The following AQR variants were observed in gnomAD, a reference collection of about 807,000 sequenced individuals.
AQR encodes aquarius intron-binding spliceosomal factor, also known as RNA helicase aquarius.
AQR carries 61 observed loss-of-function variants against 180.5 expected under a neutral mutation model. That is an observed-to-expected ratio of 0.34 (90% CI 0.28 to 0.42). The LOEUF is 0.42. Among genes scored for constraint, AQR ranks in the 10% least tolerant of loss-of-function variants. AQR has a pLI of 1.00. For synonymous variants in AQR, 551 were observed against 588.8 expected, an observed-to-expected ratio of 0.94 and a Z score of 0.93; for missense variants, 1,281 against 1,798.3, an observed-to-expected ratio of 0.71 and a Z score of 5.20.
intron 9 of AQR, among the ~76,000 whole-genome samples, chr15:34,934,975 G>T (rs1182127820): frequency 6.6e-6 from 1 of 151,954 alleles, no homozygotes; most frequent in Non-Finnish European, 1.5e-5. Flanking sequence ...AAACTAGAAG[G>T]CAGTTTTATA....
intron 32 of AQR, 141 bp from the exon 33 acceptor site, chr15:34,863,182 G>A (rs1410776277): frequency 4.2e-6 from 3 of 712,964 alleles, no homozygotes; most frequent in Non-Finnish European, 6.6e-6. Flanking sequence ...CTTAATAGAA[G>A]TTAATCAATG....
chr15:34,958,117 G>C (rs184101370), intron 3 of AQR, among the ~76,000 whole-genome samples: 1 of 152,062 alleles, frequency 6.6e-6, no homozygotes, highest in African/African-American at 2.4e-5. Flanking sequence ...CTGAGGCAGG[G>C]GAATGGCGTG....
At position 34,882,465 on chromosome 15, in the gene AQR, T is replaced by TAAAAAAAAAAAAAAAA. The variant is rs34949352; in HGVS notation, c.3165+21_3165+36dup. 267 of 1,200,248 alleles carry TAAAAAAAAAAAAAAAA rather than the reference T, an allele frequency of 2.2e-4. 5 individuals carry two copies. The African/African-American group carries it at 4.2e-3, about 19-fold the overall frequency. 74.3% of individuals were successfully genotyped at this position (1,200,248 alleles called of 1,614,324 possible). A position where few individuals can be genotyped will look rare whatever the true frequency, so the allele number is the denominator to read the frequency against. On this transcript the variant is annotated intron_variant, in intron 27 of 34. Transcript: ENST00000156471. ...GAAGTGAGCCAATCTCTGATAATCT[T>TAAAAAAAAAAAAAAAA]AAAAAAAAAAAAAAAAAAACTACCA... is the stretch of plus-strand genomic sequence containing the variant.
At chr15:34,906,320 G>C (rs573880683) in intron 18 of AQR, among the ~76,000 whole-genome samples, 1 of 152,034 alleles carries the variant, frequency 6.6e-6, no homozygotes, top group African/African-American at 2.4e-5. Flanking sequence ...GCAGTGAGCC[G>C]AGATTGTGCC....
chr15:34,942,133 A>G (rs1238432661), intron 6 of AQR, 53 bp from the exon 7 acceptor site: 4 of 1,380,358 alleles, frequency 2.9e-6, no homozygotes, highest in African/African-American at 2.9e-5. Flanking sequence ...ATTTCTACCT[A>G]AGTCTTTACA....
At position 34,932,344 on chromosome 15, in the gene AQR, C is replaced by T; in HGVS notation, c.874G>A (p.Glu292Lys). Residue 292 changes from glutamate (E) to lysine (K), a missense_variant, in exon 11 of 35, where the codon GAA (glutamate) becomes AAA (lysine). This residue lies in a region of AQR where 404 missense variants were observed against 490.9 expected (regional missense o/e 0.82). Coordinates refer to ENST00000156471, the MANE Select transcript of AQR (RefSeq NM_014691.3). The stretch of plus-strand genomic sequence containing the variant: ...TGGGAAAAAAGATGGCCATCCTCTT[C>T]TCTACGAACAAGATTGGAAAGGTAA... ...HCYLSNLVRREEDGHLFSQLL... is the reference protein window; with the variant it reads ...HCYLSNLVRRKEDGHLFSQLL... The T allele has an allele frequency of 6.2e-7, 1 of 1,613,540 alleles. No individual in the cohort carries two copies. The highest frequency in any genetic ancestry group is 1.1e-5 in the South Asian group (1 of 91,068).
intron 3 of AQR, among the ~76,000 whole-genome samples, chr15:34,956,313 C>CTAGT (rs200682022): frequency 0.031 from 4,770 of 152,122 alleles, 98 homozygotes; most frequent in Middle Eastern, 0.082. Context: ...CCGGAGTGTA[C>CTAGT]TAGTTAAGAG....
intron 5 of AQR, 82 bp downstream of exon 5, chr15:34,948,182 C>T: frequency 6.7e-7 from 1 of 1,489,674 alleles, no homozygotes; most frequent in East Asian, 2.4e-5. Flanking sequence ...TCTAAAAGCA[C>T]CACTATCAGT....
In AQR at chr15:34,856,715, C is replaced by G. The variant is rs1234604309; in HGVS notation, c.*77G>C. 1.6e-6 allele frequency: 2 copies of G among 1,254,586 alleles called. No individual in the cohort carries two copies. The highest frequency in any genetic ancestry group is 2.1e-6 in the Non-Finnish European group (2 of 934,484). 77.7% of individuals were successfully genotyped at this position (1,254,586 alleles called of 1,614,324 possible). A position where few individuals can be genotyped will look rare whatever the true frequency, so the allele number is the denominator to read the frequency against. Reference sequence around the variant, plus strand: ...ATTAGTGACAGTAAAATGGCAGAAGCAAATATAAAATACAAAAAACAGCTT... The same window carrying G: ...ATTAGTGACAGTAAAATGGCAGAAGGAAATATAAAATACAAAAAACAGCTT... On this transcript the variant is annotated 3_prime_UTR_variant, in exon 35 of 35. Coordinates refer to ENST00000156471, the MANE Select transcript of AQR (RefSeq NM_014691.3).
At chr15:34,954,381 C>A (rs1358437583) in intron 3 of AQR, among the ~76,000 whole-genome samples, 1 of 152,120 alleles carries the variant, frequency 6.6e-6, no homozygotes, top group African/African-American at 2.4e-5. Context: ...ACATAGCTCA[C>A]TGTAGTCTCA....
intron 1 of AQR, 133 bp from the exon 2 acceptor site, chr15:34,964,423 C>G (rs9920529): frequency 0.8 from 607,814 of 762,432 alleles, 245,437 homozygotes; most frequent in Middle Eastern, 0.85. Flanking sequence ...TATCTGAAGG[C>G]ACTACACAGG....
At chr15:34,867,715 C>A (rs535868485) in intron 31 of AQR, 106 bp from the exon 32 acceptor site, 2 of 754,684 alleles carry the variant, frequency 2.7e-6, no homozygotes, top group South Asian at 1.6e-5. Context: ...TAATCAATCC[C>A]AAAAGAAACA....
In AQR at chr15:34,944,165, G is replaced by C. The variant is rs946247878; in HGVS notation, c.471+123C>G. 6.6e-6 allele frequency: 6 copies of C among 902,378 alleles called. No homozygotes were observed. The African/African-American group carries it at 1.0e-4, about 16-fold the overall frequency. The allele number at this position is 902,378 out of a possible 1,614,324, so 55.9% of individuals were successfully genotyped here. A position where few individuals can be genotyped will look rare whatever the true frequency, so the allele number is the denominator to read the frequency against. ...ATAAGTGGCTGAAATCAAGCTTTTAGCATTATCCTTATTGCCTGCTATTAT... is the reference window on the plus strand; with the variant it reads ...ATAAGTGGCTGAAATCAAGCTTTTACCATTATCCTTATTGCCTGCTATTAT... On this transcript the variant is annotated intron_variant, in intron 6 of 34. Coordinates refer to ENST00000156471, the MANE Select transcript of AQR (RefSeq NM_014691.3).
intron 19 of AQR, among the ~76,000 whole-genome samples, chr15:34,902,538 G>A (rs1893347288): frequency 6.6e-6 from 1 of 151,958 alleles, no homozygotes; most frequent in Non-Finnish European, 1.5e-5. Context: ...ATGGCTTTTG[G>A]TACCTTCTAA....
At chr15:34,870,610 C>T in intron 31 of AQR, 142 bp downstream of exon 31, 1 of 648,758 alleles carries the variant, frequency 1.5e-6, no homozygotes, top group Middle Eastern at 4.5e-4. Context: ...GCAAGACTGT[C>T]AGAGAGTTAT....
intron 24 of AQR, among the ~76,000 whole-genome samples, chr15:34,887,121 T>A (rs1893073144): frequency 6.7e-6 from 1 of 149,168 alleles, no homozygotes; most frequent in Non-Finnish European, 1.5e-5. Context: ...CAAGACTCCG[T>A]CTCAAAAAAA....
chr15:34,943,045 A>G (rs1894049853), intron 6 of AQR: 4 of 1,599,350 alleles, frequency 2.5e-6, no homozygotes, highest in Non-Finnish European at 3.4e-6. Context: ...ATAAATGTTA[A>G]AGAGGCTTTC....
At chr15:34,900,487 G>A (rs1302410020) in intron 20 of AQR, 135 bp downstream of exon 20, 36 of 1,046,348 alleles carry the variant, frequency 3.4e-5, no homozygotes, top group Non-Finnish European at 4.8e-5. Flanking sequence ...CCCAGTGATT[G>A]TATGGTGAAG....
chr15:34,938,761 C>T lies in AQR; in HGVS notation c.694G>A (p.Val232Met), dbSNP rs1893980201. ...LSQLIQKFIS[V>M]LKSVPLSEPV... ...CCAGAAAGTGGGACTGATTTCAGCA[C>T]AGAGATAAACTTCTGGATGAGTTGT... Residue 232 changes from valine to methionine, a missense_variant, in exon 9 of 35, where the codon GTG (valine) becomes ATG (methionine). By Grantham distance (21) the Val-to-Met change is conservative (BLOSUM62 1). Coordinates refer to ENST00000156471, the MANE Select transcript of AQR (RefSeq NM_014691.3). 1 of 1,607,780 alleles carries T rather than the reference C, an allele frequency of 6.2e-7. No homozygotes were observed. Among genetic ancestry groups the T allele is most frequent in the Admixed American group, 1.7e-5 (1 of 59,750 alleles).
Sources: gnomAD v4.1 joint callset for allele counts (sites outside exome capture counted in the v4.1 genomes callset) on GRCh38, gnomAD v4.1.1 for gene constraint, gnomAD v4.1.1 regional missense constraint, MANE v1.5 for transcripts, NCBI Gene and HGNC (gene_info 2026-07-23, HGNC 2026-07-21) for gene names.